Variants in CPXM2 observed in about 807,000 individuals in gnomAD.
The protein encoded by CPXM2 is carboxypeptidase X, M14 family member 2, also known as inactive carboxypeptidase-like protein X2.
CPXM2 carries 66 observed loss-of-function variants against 86.1 expected under a neutral mutation model. That is an observed-to-expected ratio of 0.77 (90% CI 0.63 to 0.94). The LOEUF is 0.94. CPXM2 is among the 40% of genes least tolerant of loss of function. The pLI is 0.00. For missense variants in CPXM2, 948 were observed against 1,026.3 expected, an observed-to-expected ratio of 0.92 and a Z score of 1.04; for synonymous variants, 388 against 400.2, an observed-to-expected ratio of 0.97 and a Z score of 0.36.
Position 123,745,851 on chromosome 10 carries a change from G to A in CPXM2, c.*913C>T, listed in dbSNP as rs1845960970. 1 of 151,986 alleles carries A rather than the reference G, an allele frequency of 6.6e-6. No homozygotes were observed. Among genetic ancestry groups the A allele is most frequent in the Non-Finnish European group, 1.5e-5 (1 of 68,006 alleles). The allele number at this position is 151,986 out of a possible 1,614,324, so 9.4% of individuals were successfully genotyped here. On this transcript the variant is annotated 3_prime_UTR_variant, in exon 14 of 14. Coordinates refer to ENST00000241305, the MANE Select transcript of CPXM2 (RefSeq NM_198148.3). ...ACATATCAAAAATAACTCCCAGGCT[G>A]ATATGAGGCCAACCCATGAGCACTC...
At chr10:123,870,155 G>T (rs986267731) in intron 2 of CPXM2, among the ~76,000 whole-genome samples, 3 of 152,052 alleles carry the variant, frequency 2.0e-5, no homozygotes, top group African/African-American at 7.3e-5. Flanking sequence ...GCTCATCATC[G>T]CTGAGACTCA....
intron 4 of CPXM2, among the ~76,000 whole-genome samples, chr10:123,821,392 C>T (rs893752583): frequency 2.6e-5 from 4 of 152,318 alleles, no homozygotes; most frequent in South Asian, 2.1e-4. Flanking sequence ...CTGGAAGAGG[C>T]ACATACTATG....
At chr10:123,821,957 TC>T (rs1361980215) in intron 4 of CPXM2, among the ~76,000 whole-genome samples, 1 of 152,168 alleles carries the variant, frequency 6.6e-6, no homozygotes, top group African/African-American at 2.4e-5. Flanking sequence ...AGTACAGACT[TC>T]CCAGGGACTT....
intron 4 of CPXM2, among the ~76,000 whole-genome samples, chr10:123,841,196 G>T (rs962708465): frequency 6.6e-6 from 1 of 152,060 alleles, no homozygotes; most frequent in African/African-American, 2.4e-5. Flanking sequence ...ACCCTACTGC[G>T]CCCCTCCACA....
chr10:123,778,485 C>A (rs1846855298), intron 7 of CPXM2, among the ~76,000 whole-genome samples: 1 of 152,170 alleles, frequency 6.6e-6, no homozygotes, highest in Admixed American at 6.6e-5. Flanking sequence ...CCCAAGGGGG[C>A]TGCACTGATT....
intron 2 of CPXM2, among the ~76,000 whole-genome samples, chr10:123,936,658 A>G (rs901019936): frequency 2.0e-5 from 3 of 152,030 alleles, no homozygotes; most frequent in African/African-American, 4.8e-5. Flanking sequence ...ACATCATACA[A>G]CTCTCAAGAT....
chr10:123,788,894 A>AAG (rs397753249), intron 6 of CPXM2, among the ~76,000 whole-genome samples: 2 of 148,128 alleles, frequency 1.4e-5, no homozygotes, highest in Non-Finnish European at 3.0e-5. Flanking sequence ...AAAAAAAAAA[A>AAG]GAAAGGATCC....
At chr10:123,911,762 C>G (rs1004313259) in intron 2 of CPXM2, among the ~76,000 whole-genome samples, 1 of 151,996 alleles carries the variant, frequency 6.6e-6, no homozygotes, top group African/African-American at 2.4e-5. Flanking sequence ...GCTCTGATTA[C>G]AGGTGCCACC....
intron 10 of CPXM2, among the ~76,000 whole-genome samples, chr10:123,763,991 T>C (rs1846410309): frequency 6.6e-6 from 1 of 152,210 alleles, no homozygotes; most frequent in African/African-American, 2.4e-5. Flanking sequence ...CTGGGGGCTT[T>C]TTACTTTTGC....
Position 123,862,664 on chromosome 10 carries a change from T to C in CPXM2, c.463A>G (p.Thr155Ala), listed in dbSNP as rs767306722. The C allele has an allele frequency of 6.2e-7, 1 of 1,614,170 alleles. No individual in the cohort carries two copies. Among genetic ancestry groups the C allele is most frequent in the Non-Finnish European group, 8.5e-7 (1 of 1,180,030 alleles). ...GCCCCCAGGCCATAGCGCTTCACCG[T>C]GGAGGCATGGAGCTGGAAGTCTGTG... Reference protein sequence around the residue: ...KITDFQLHASTVKRYGLGAHR... With the variant: ...KITDFQLHASAVKRYGLGAHR... Residue 155 changes from threonine (T) to alanine (A), a missense_variant, in exon 3 of 14, where the codon ACG becomes GCG. Thr to Ala is a moderately conservative substitution (Grantham distance 58, BLOSUM62 0). Transcript: ENST00000241305.
Position 123,753,137 on chromosome 10 carries a change from G to A in CPXM2, c.2017+1526C>T, listed in dbSNP as rs532968322. Among the ~76,000 whole-genome samples, 6 of 152,202 alleles carry A rather than the reference G, an allele frequency of 3.9e-5. No homozygotes were observed. In the East Asian group the frequency reaches 5.8e-4, roughly 15 times the overall value. ...GGAGGCAGGAACCCAGAGACCCCCCGGGGAAGAAGGTTCAGGTGGACAGAG... is the reference window on the plus strand; with the variant it reads ...GGAGGCAGGAACCCAGAGACCCCCCAGGGAAGAAGGTTCAGGTGGACAGAG... On this transcript the variant is annotated intron_variant, in intron 13 of 13. Coordinates refer to ENST00000241305, the MANE Select transcript of CPXM2 (RefSeq NM_198148.3).
intron 7 of CPXM2, chr10:123,776,787 G>A (rs1474922447): frequency 6.6e-6 from 1 of 152,216 alleles, no homozygotes; most frequent in Non-Finnish European, 1.5e-5. Flanking sequence ...TGGAAATGGG[G>A]AGAAAATGAA....
intron 3 of CPXM2, among the ~76,000 whole-genome samples, chr10:123,859,096 C>A (rs1421032831): frequency 6.6e-6 from 1 of 152,202 alleles, no homozygotes; most frequent in Non-Finnish European, 1.5e-5. Context: ...CACATCTGCG[C>A]CTATAGAGTC....
intron 4 of CPXM2, among the ~76,000 whole-genome samples, chr10:123,833,558 C>T (rs1025896060): frequency 4.6e-5 from 7 of 152,208 alleles, no homozygotes; most frequent in African/African-American, 1.7e-4. Context: ...CTTATTGTGT[C>T]TCTGCCATGT....
intron 4 of CPXM2, among the ~76,000 whole-genome samples, chr10:123,835,534 G>A (rs193302708): frequency 7.0e-4 from 107 of 152,256 alleles, no homozygotes; most frequent in African/African-American, 2.5e-3. Context: ...TCTATTTCAT[G>A]CTAAACACTA....
intron 6 of CPXM2, among the ~76,000 whole-genome samples, chr10:123,796,218 A>G (rs763687240): frequency 2.6e-5 from 4 of 152,256 alleles, no homozygotes; most frequent in Admixed American, 1.3e-4. Flanking sequence ...AACTGGGCAC[A>G]TTCTTTGTAC....
chr10:123,762,845 T>C (rs568112101), intron 10 of CPXM2, among the ~76,000 whole-genome samples: 2 of 152,342 alleles, frequency 1.3e-5, no homozygotes, highest in South Asian at 4.1e-4. Context: ...TAAGATCAAA[T>C]CGACAATGAC....
chr10:123,754,567 A>G lies in CPXM2; in HGVS notation c.2017+96T>C, dbSNP rs2133973840. 1 of 740,468 alleles carries G rather than the reference A, an allele frequency of 1.4e-6. No homozygotes were observed. Among genetic ancestry groups the G allele is most frequent in the Non-Finnish European group, 2.4e-6 (1 of 409,634 alleles). 45.9% of individuals were successfully genotyped at this position (740,468 alleles called of 1,614,324 possible). A position where few individuals can be genotyped will look rare whatever the true frequency, so the allele number is the denominator to read the frequency against. ...ACTGTAATTTGGCTCTGAGTAAGAC[A>G]TTTCTGGCAGTCATTTCATGATTGT... is the stretch of plus-strand genomic sequence containing the variant. On this transcript the variant is annotated intron_variant, in intron 13 of 13. Transcript: ENST00000241305. The surrounding 1 kb of genome is among the most constrained non-coding windows in gnomAD (Gnocchi z 4.0).
At chr10:123,756,179 T>G (rs768851612) in intron 12 of CPXM2, among the ~76,000 whole-genome samples, 1 of 152,230 alleles carries the variant, frequency 6.6e-6, no homozygotes, top group Non-Finnish European at 1.5e-5. Flanking sequence ...GGGAACCTTG[T>G]GTCCAGCCTC....
Sources: allele counts gnomAD v4.1 joint callset (sites outside exome capture counted in the v4.1 genomes callset), GRCh38; gene constraint gnomAD v4.1.1; non-coding constraint Gnocchi (gnomAD v3.1); transcripts MANE v1.5; gene names NCBI Gene and HGNC (gene_info 2026-07-23, HGNC 2026-07-21).